ID3: variants seen among roughly 807,000 people sequenced by gnomAD.
ID3 encodes the protein DNA-binding protein inhibitor ID-3.
A neutral mutation model predicts 9.6 loss-of-function variants in ID3; 4 were observed. The observed-to-expected ratio is 0.42, with a 90% CI of 0.21 to 0.96. ID3 has a LOEUF of 0.96. Among genes scored for constraint, ID3 ranks in the 40% least tolerant of loss-of-function variants. ID3 has a pLI of 0.30. For missense variants in ID3, 191 were observed against 164.5 expected, an observed-to-expected ratio of 1.16 and a Z score of -0.88; for synonymous variants, 108 against 75.2, an observed-to-expected ratio of 1.44 and a Z score of -2.26.
In ID3 at chr1:23,559,420, C is replaced by T. The variant is rs1381240589; in HGVS notation, c.7G>A (p.Ala3Thr). The T allele has an allele frequency of 1.2e-6, 2 of 1,611,900 alleles. No individual in the cohort carries two copies. The highest frequency in any genetic ancestry group is 1.3e-5 in the African/African-American group (1 of 74,922). The change falls in exon 1 of 3, where the codon GCG (alanine) becomes ACG (threonine). Residue 3 changes from alanine to threonine, a missense_variant. Physicochemically the swap from Ala to Thr is moderately conservative, Grantham distance 58. Transcript: ENST00000374561. Reference sequence around the variant, plus strand: ...TAGCAGCCGCGCACCGGGCTCAGCGCCTTCATGCTGGGGAGTGAGTCCAGA... The same window carrying T: ...TAGCAGCCGCGCACCGGGCTCAGCGTCTTCATGCTGGGGAGTGAGTCCAGA... MK[A>T]LSPVRGCYEA...
chr1:23,558,986 T>C lies in ID3; in HGVS notation c.334A>G (p.Asn112Asp). The stretch of plus-strand genomic sequence containing the variant: ...CAGTGGCAAAAGCTCCTTTTGTCGT[T>C]GGAGATGACAAGTTCCGGAGTGAGC... ...AELTPELVIS[N>D]DKRSFCH The change falls in exon 2 of 3, where the codon AAC becomes GAC. Residue 112 changes from asparagine (N) to aspartate (D), a missense_variant. Transcript: ENST00000374561. 1 of 1,614,158 alleles carries C rather than the reference T, an allele frequency of 6.2e-7. No homozygotes were observed. Among genetic ancestry groups the C allele is most frequent in the Non-Finnish European group, 8.5e-7 (1 of 1,179,992 alleles).
chr1:23,559,010 G>T lies in ID3; in HGVS notation c.310C>A (p.Leu104Ile). 1 of 1,614,154 alleles carries T rather than the reference G, an allele frequency of 6.2e-7. No individual in the cohort carries two copies. Among genetic ancestry groups the T allele is most frequent in the Non-Finnish European group, 8.5e-7 (1 of 1,179,978 alleles). ...GPHLPIQTAE[L>I]TPELVISNDK... ...TTGGAGATGACAAGTTCCGGAGTGA[G>T]CTCGGCTGTCTGATTAGAGGAAAAG... The change falls in exon 2 of 3, where the codon CTC (leucine) becomes ATC (isoleucine). Residue 104 changes from leucine to isoleucine, a missense_variant. By Grantham distance (5) the Leu-to-Ile change is conservative. Coordinates refer to ENST00000374561, the MANE Select transcript of ID3 (RefSeq NM_002167.5).
rs1643679950 is a variant in ID3, at chr1:23,558,787, G to A, written c.*25+148C>T. 8.1e-6 allele frequency: 5 copies of A among 616,214 alleles called. No individual in the cohort carries two copies. In the Admixed American group the frequency reaches 1.4e-4, roughly 17 times the overall value. 38.2% of individuals were successfully genotyped at this position (616,214 alleles called of 1,614,324 possible). A position where few individuals can be genotyped will look rare whatever the true frequency, so the allele number is the denominator to read the frequency against. On this transcript the variant is annotated intron_variant, in intron 2 of 2. Transcript: ENST00000374561. ...TGCACATCACATGGAAACTGACTCT[G>A]CCATTCATTTGATGCAACCATGGGC...
Position 23,558,942 on chromosome 1 carries a change from T to C in ID3, c.*18A>G. On this transcript the variant is annotated 3_prime_UTR_variant, in exon 2 of 3. Coordinates refer to ENST00000374561, the MANE Select transcript of ID3 (RefSeq NM_002167.5). ...AAGAGAGGAGATACTCACCTGGAGG[T>C]GTCAGGACACGGCCGAGTCAGTGGC... 1 of 1,609,510 alleles carries C rather than the reference T, an allele frequency of 6.2e-7. No individual in the cohort carries two copies. Among genetic ancestry groups the C allele is most frequent in the Non-Finnish European group, 8.5e-7 (1 of 1,176,354 alleles).
Position 23,558,924 on chromosome 1 carries a change from G to A in ID3, c.*25+11C>T, listed in dbSNP as rs373559031. ...GTTTAAACCTCCCTCTCCAAGAGAG[G>A]AGATACTCACCTGGAGGTGTCAGGA... is the stretch of plus-strand genomic sequence containing the variant. On this transcript the variant is annotated intron_variant, in intron 2 of 2. Transcript: ENST00000374561. 3.1e-3 allele frequency: 4,933 copies of A among 1,580,072 alleles called. 173 individuals are homozygous for A. The South Asian group carries it at 0.049, about 16-fold the overall frequency.
rs1161852325 is a variant in ID3, at chr1:23,557,945, C to T, written c.*496G>A. ...ATCATATACACAAGTGTTTAAAAAT[C>T]GTTTATTATGCAAAATGTTAACTTT... On this transcript the variant is annotated 3_prime_UTR_variant, in exon 3 of 3. Coordinates refer to ENST00000374561, the MANE Select transcript of ID3 (RefSeq NM_002167.5). 2 of 152,560 alleles carry T rather than the reference C, an allele frequency of 1.3e-5. No homozygotes were observed. The highest frequency in any genetic ancestry group is 4.8e-5 in the African/African-American group (2 of 41,414). The allele number at this position is 152,560 out of a possible 1,614,324, so 9.5% of individuals were successfully genotyped here.
Position 23,559,435 on chromosome 1 carries a change from G to C in ID3, c.-9C>G. On this transcript the variant is annotated 5_prime_UTR_variant, in exon 1 of 3. Transcript: ENST00000374561. ...GGGCTCAGCGCCTTCATGCTGGGGA[G>C]TGAGTCCAGAGGTGCCCCAAAGAGA... 1 of 1,611,312 alleles carries C rather than the reference G, an allele frequency of 6.2e-7. No homozygotes were observed. Among genetic ancestry groups the C allele is most frequent in the South Asian group, 1.1e-5 (1 of 90,970 alleles).
chr1:23,558,882 C>T lies in ID3; in HGVS notation c.*25+53G>A, dbSNP rs1466584419. The T allele has an allele frequency of 3.1e-6, 4 of 1,274,102 alleles. No individual in the cohort carries two copies. The African/African-American group carries it at 6.0e-5, about 19-fold the overall frequency. 78.9% of individuals were successfully genotyped at this position (1,274,102 alleles called of 1,614,324 possible). A position where few individuals can be genotyped will look rare whatever the true frequency, so the allele number is the denominator to read the frequency against. On this transcript the variant is annotated intron_variant, in intron 2 of 2. Transcript: ENST00000374561. ...AGTGGCAATTTTTCAAAACGTCTGC[C>T]AACTCCAGGACTTGCCGTTTAAACC... is the stretch of plus-strand genomic sequence containing the variant.
chr1:23,558,936 T>C lies in ID3; in HGVS notation c.*24A>G. 6.2e-7 allele frequency: 1 copy of C among 1,606,984 alleles called. No homozygotes were observed. On this transcript the variant is annotated splice_region_variant and 3_prime_UTR_variant, in exon 2 of 3. Transcript: ENST00000374561. ...CTCTCCAAGAGAGGAGATACTCACC[T>C]GGAGGTGTCAGGACACGGCCGAGTC...
At position 23,559,001 on chromosome 1, in the gene ID3, C is replaced by A; in HGVS notation, c.319G>T (p.Glu107Ter). Reference protein sequence around the residue: ...LPIQTAELTPELVISNDKRSF... With the variant: ...LPIQTAELTP ...CTTTTGTCGTTGGAGATGACAAGTTCCGGAGTGAGCTCGGCTGTCTGATTA... is the reference window on the plus strand; with the variant it reads ...CTTTTGTCGTTGGAGATGACAAGTTACGGAGTGAGCTCGGCTGTCTGATTA... The change falls in exon 2 of 3, where the codon GAA (glutamate) becomes TAA (stop). Residue 107 changes from glutamate (E) to a stop codon, truncating the protein, a stop_gained. Transcript: ENST00000374561. LOFTEE classifies it high-confidence loss of function. 6.2e-7 allele frequency: 1 copy of A among 1,614,176 alleles called. No homozygotes were observed. The highest frequency in any genetic ancestry group is 1.1e-5 in the South Asian group (1 of 91,080).
rs2124330324 is a variant in ID3 at position 23,559,270 on chromosome 1, C to G, written c.157G>C (p.Glu53Gln). Residue 53 changes from glutamate (E) to glutamine (Q), a missense_variant, in exon 1 of 3, where the codon GAA (glutamate) becomes CAA (glutamine). Glu to Gln is a conservative substitution (Grantham distance 29). Transcript: ENST00000374561. ...DMNHCYSRLR[E>Q]LVPGVPRGTQ... Reference sequence around the variant, plus strand: ...CCTCTCGGGACTCCGGGTACCAGTTCCCGCAGGCGGGAGTAGCAGTGGTTC... The same window carrying G: ...CCTCTCGGGACTCCGGGTACCAGTTGCCGCAGGCGGGAGTAGCAGTGGTTC... The G allele has an allele frequency of 6.2e-7, 1 of 1,614,180 alleles. No individual in the cohort carries two copies. The highest frequency in any genetic ancestry group is 8.5e-7 in the Non-Finnish European group (1 of 1,180,046).
intron 1 of ID3, 38 bp downstream of exon 1, chr1:23,559,089 G>A (rs770033404): frequency 3.1e-6 from 5 of 1,612,452 alleles, no homozygotes; most frequent in East Asian, 2.2e-5. Context: ...CAGCATCCTT[G>A]CCTGGGTGTT....
At chr1:23,558,911 C>G (rs965162473) in intron 2 of ID3, 24 bp downstream of exon 2, 1 of 1,528,516 alleles carries the variant, frequency 6.5e-7, no homozygotes, top group Non-Finnish European at 9.0e-7. Context: ...TTAAACCTCC[C>G]TCTCCAAGAG....
rs1415589587 is a variant in ID3, at chr1:23,559,018, G to A, written c.302C>T (p.Thr101Ile). ...PPDGPHLPIQ[T>I]AELTPELVIS... ...GACAAGTTCCGGAGTGAGCTCGGCT[G>A]TCTGATTAGAGGAAAAGAGGGAAGA... Residue 101 changes from threonine (T) to isoleucine (I), a missense_variant and splice_region_variant, in exon 2 of 3, where the codon ACA becomes ATA. Coordinates refer to ENST00000374561, the MANE Select transcript of ID3 (RefSeq NM_002167.5). 3 of 1,614,168 alleles carry A rather than the reference G, an allele frequency of 1.9e-6. No homozygotes were observed. In the South Asian group the frequency reaches 3.3e-5, roughly 18 times the overall value.
Position 23,559,459 on chromosome 1 carries a change from G to C in ID3, c.-33C>G. 3.1e-6 allele frequency: 5 copies of C among 1,591,292 alleles called. No individual in the cohort carries two copies. Among genetic ancestry groups the C allele is most frequent in the Non-Finnish European group, 4.3e-6 (5 of 1,167,586 alleles). ...AGTGAGTCCAGAGGTGCCCCAAAGA[G>C]AAAGAAAACCAAAAGAAGTCCCGCT... On this transcript the variant is annotated 5_prime_UTR_variant, in exon 1 of 3. Coordinates refer to ENST00000374561, the MANE Select transcript of ID3 (RefSeq NM_002167.5).
rs1166154158 is a variant in ID3, at chr1:23,559,233, C to G, written c.194G>C (p.Ser65Thr). ...VPGVPRGTQL[S>T]QVEILQRVID... ...GACGCGCTGTAGGATTTCCACCTGG[C>G]TAAGCTGAGTGCCTCTCGGGACTCC... The change falls in exon 1 of 3, where the codon AGC becomes ACC. Residue 65 changes from serine to threonine, a missense_variant. Ser to Thr is a moderately conservative substitution (Grantham distance 58). Coordinates refer to ENST00000374561, the MANE Select transcript of ID3 (RefSeq NM_002167.5). The G allele has an allele frequency of 1.9e-6, 3 of 1,614,110 alleles. No individual in the cohort carries two copies. The highest frequency in any genetic ancestry group is 1.3e-5 in the African/African-American group (1 of 74,936).
Position 23,559,457 on chromosome 1 carries a change from G to A in ID3, c.-31C>T, listed in dbSNP as rs1570499639. 3.8e-6 allele frequency: 6 copies of A among 1,592,110 alleles called. No homozygotes were observed. The highest frequency in any genetic ancestry group is 1.1e-5 in the South Asian group (1 of 89,794). On this transcript the variant is annotated 5_prime_UTR_variant, in exon 1 of 3. Coordinates refer to ENST00000374561, the MANE Select transcript of ID3 (RefSeq NM_002167.5). Reference sequence around the variant, plus strand: ...GGAGTGAGTCCAGAGGTGCCCCAAAGAGAAAGAAAACCAAAAGAAGTCCCG... The same window carrying A: ...GGAGTGAGTCCAGAGGTGCCCCAAAAAGAAAGAAAACCAAAAGAAGTCCCG...
In ID3 at chr1:23,559,190, G is replaced by C. The variant is rs768684566; in HGVS notation, c.237C>G (p.Asp79Glu). The change falls in exon 1 of 3, where the codon GAC becomes GAG. Residue 79 changes from aspartate (D) to glutamate (E), a missense_variant. Asp to Glu is a conservative substitution (Grantham distance 45, BLOSUM62 2). Coordinates refer to ENST00000374561, the MANE Select transcript of ID3 (RefSeq NM_002167.5). Reference sequence around the variant, plus strand: ...CTGGCTCGGCCAGGACTACCTGCAGGTCGAGAATGTAGTCGATGACGCGCT... The same window carrying C: ...CTGGCTCGGCCAGGACTACCTGCAGCTCGAGAATGTAGTCGATGACGCGCT... Reference protein sequence around the residue: ...ILQRVIDYILDLQVVLAEPAP... With the variant: ...ILQRVIDYILELQVVLAEPAP... 1.2e-6 allele frequency: 2 copies of C among 1,614,236 alleles called. No individual in the cohort carries two copies. Among genetic ancestry groups the C allele is most frequent in the South Asian group, 2.2e-5 (2 of 91,090 alleles).
intron 2 of ID3, chr1:23,558,715 C>T (rs1413967652): frequency 5.4e-6 from 3 of 557,888 alleles, no homozygotes; most frequent in Non-Finnish European, 9.7e-6. Flanking sequence ...TTGCCAGACC[C>T]TCGGCCACTG....
Sources: gnomAD v4.1 joint callset for allele counts on GRCh38, gnomAD v4.1.1 for gene constraint, MANE v1.5 for transcripts, NCBI Gene and HGNC (gene_info 2026-07-23, HGNC 2026-07-21) for gene names.